The following DAB1 variants were observed in gnomAD, a reference collection of about 807,000 sequenced individuals.
DAB1 encodes the protein DAB adaptor protein 1.
DAB1 carries 15 observed loss-of-function variants against 64.6 expected under a neutral mutation model. The ratio of observed to expected loss-of-function variants is 0.23; its 90% CI spans 0.16 to 0.36. DAB1 has a LOEUF of 0.36. Ranked by LOEUF, DAB1 falls within the 10% of genes least tolerant of loss-of-function variation. The pLI is 1.00. For synonymous variants in DAB1, 235 were observed against 251.9 expected (o/e 0.93, Z 0.64); for missense variants, 596 against 706.7 (o/e 0.84, Z 1.78).
At chr1:58,060,348 G>T (rs1390958423) in intron 5 of DAB1, 2 of 152,174 alleles carry the variant, frequency 1.3e-5, no homozygotes, top group African/African-American at 4.8e-5. Flanking sequence ...TTGTGCCCAA[G>T]GTTTATTTGT....
At chr1:58,365,421 G>A (rs1225484539) in intron 3 of DAB1, among the ~76,000 whole-genome samples, 1 of 152,186 alleles carries the variant, frequency 6.6e-6, no homozygotes, top group Non-Finnish European at 1.5e-5. Context: ...CACTTCAGAT[G>A]CAAAGAGCCA....
intron 5 of DAB1, among the ~76,000 whole-genome samples, chr1:57,976,587 A>G (rs1049370072): frequency 2.3e-4 from 35 of 152,012 alleles, no homozygotes; most frequent in African/African-American, 8.2e-4. Context: ...GAGCAAAATA[A>G]TTTTTCTCCT....
At chr1:58,338,619 C>T (rs752109119) in intron 4 of DAB1, among the ~76,000 whole-genome samples, 28 of 152,162 alleles carry the variant, frequency 1.8e-4, no homozygotes, top group South Asian at 8.3e-4. Flanking sequence ...GACAGACAGT[C>T]GTTGCCCTTG....
intron 1 of DAB1, among the ~76,000 whole-genome samples, chr1:57,340,264 T>C (rs1195984595): frequency 6.6e-6 from 1 of 152,206 alleles, no homozygotes; most frequent in Non-Finnish European, 1.5e-5. Context: ...GAAATCCTAA[T>C]ACAGAACTAA....
chr1:57,116,346 C>T (rs1656107339), intron 4 of DAB1, among the ~76,000 whole-genome samples: 1 of 150,590 alleles, frequency 6.6e-6, no homozygotes, highest in African/African-American at 2.4e-5. Flanking sequence ...CCTGTAATCC[C>T]AGCTACTCAG....
intron 1 of DAB1, among the ~76,000 whole-genome samples, chr1:57,415,434 A>C (rs929331805): frequency 1.3e-5 from 2 of 152,248 alleles, no homozygotes; most frequent in South Asian, 4.1e-4. Flanking sequence ...AGTGCTAACC[A>C]TAAAAGATTG....
chr1:58,400,152 G>C (rs1308872626), intron 3 of DAB1, among the ~76,000 whole-genome samples: 8 of 151,788 alleles, frequency 5.3e-5, no homozygotes, highest in African/African-American at 1.9e-4. Flanking sequence ...CTGGTCCCTA[G>C]TCTCTGCCTT....
At chr1:57,681,412 G>T (rs1041200704) in intron 6 of DAB1, among the ~76,000 whole-genome samples, 1 of 152,120 alleles carries the variant, frequency 6.6e-6, no homozygotes, top group Non-Finnish European at 1.5e-5. Flanking sequence ...TGGGTACTTG[G>T]ACTTCAAGAT....
At chr1:57,075,384 A>G (rs922463473) in intron 4 of DAB1, among the ~76,000 whole-genome samples, 1 of 152,166 alleles carries the variant, frequency 6.6e-6, no homozygotes, top group African/African-American at 2.4e-5. Flanking sequence ...GTGCTTAAAG[A>G]TATTTGTAAC....
chr1:57,201,645 C>T (rs893906879), intron 2 of DAB1, among the ~76,000 whole-genome samples: 1 of 152,112 alleles, frequency 6.6e-6, no homozygotes, highest in African/African-American at 2.4e-5. Context: ...AGGAACAAAA[C>T]AGACAAAAAC....
intron 6 of DAB1, among the ~76,000 whole-genome samples, chr1:57,706,200 A>G (rs1646965040): frequency 6.6e-6 from 1 of 152,060 alleles, no homozygotes; most frequent in Non-Finnish European, 1.5e-5. Context: ...CATTTTTTAA[A>G]AAATCATGTT....
intron 7 of DAB1, among the ~76,000 whole-genome samples, chr1:57,505,029 A>G (rs1230805125): frequency 6.6e-6 from 1 of 152,214 alleles, no homozygotes; most frequent in Non-Finnish European, 1.5e-5. Flanking sequence ...ATCCTGAGAC[A>G]GGAACAGGAC....
At chr1:57,124,648 A>C (rs1656969043) in intron 4 of DAB1, among the ~76,000 whole-genome samples, 1 of 152,152 alleles carries the variant, frequency 6.6e-6, no homozygotes, top group Non-Finnish European at 1.5e-5. Flanking sequence ...TTTCTTGCAG[A>C]TTTGCAATCT....
intron 1 of DAB1, among the ~76,000 whole-genome samples, chr1:57,330,500 C>T (rs1003669167): frequency 3.9e-5 from 6 of 152,118 alleles, no homozygotes; most frequent in Non-Finnish European, 7.3e-5. Flanking sequence ...GTTTCCTCAC[C>T]TGCAAGAGGG....
intron 8 of DAB1, among the ~76,000 whole-genome samples, chr1:57,067,722 A>G (rs1368903197): frequency 6.6e-6 from 1 of 152,196 alleles, no homozygotes; most frequent in Non-Finnish European, 1.5e-5. Flanking sequence ...CATTTTACAG[A>G]TGAGTAAACT....
chr1:57,081,675 T>C (rs1328763527), intron 4 of DAB1, among the ~76,000 whole-genome samples: 2 of 152,172 alleles, frequency 1.3e-5, no homozygotes, highest in Admixed American at 1.3e-4. Context: ...TCACTATTCC[T>C]ACCTTAGACA....
intron 6 of DAB1, among the ~76,000 whole-genome samples, chr1:57,731,778 C>A (rs1647435133): frequency 6.6e-6 from 1 of 150,594 alleles, no homozygotes; most frequent in Non-Finnish European, 1.5e-5. Flanking sequence ...GCACTCTAAC[C>A]TGGGTGACAG....
intron 6 of DAB1, among the ~76,000 whole-genome samples, chr1:57,698,770 C>A (rs2101727345): frequency 6.6e-6 from 1 of 152,268 alleles, no homozygotes; most frequent in Middle Eastern, 3.4e-3. Flanking sequence ...GCACTGGGAG[C>A]TTCTCTTTCT....
intron 5 of DAB1, among the ~76,000 whole-genome samples, chr1:57,951,538 C>T (rs1429012362): frequency 6.6e-6 from 1 of 151,862 alleles, no homozygotes; most frequent in Non-Finnish European, 1.5e-5. Flanking sequence ...GAGCCAGTTT[C>T]ATGTTTAAAT....
Sources: allele counts gnomAD v4.1 joint callset (sites outside exome capture counted in the v4.1 genomes callset), GRCh38; gene constraint gnomAD v4.1.1; transcripts MANE v1.5; gene names NCBI Gene and HGNC (gene_info 2026-07-23, HGNC 2026-07-21).